DIP2C: variants seen among roughly 807,000 people sequenced by gnomAD.
DIP2C encodes DIP2 acetate--CoA ligase C (putative).
In DIP2C, 33 loss-of-function variants were observed where a neutral mutation model predicts 192.4. The observed-to-expected ratio is 0.17, with a 90% CI of 0.13 to 0.23. DIP2C has a LOEUF of 0.23. Among genes scored for constraint, DIP2C ranks in the 10% least tolerant of loss-of-function variants. DIP2C has a pLI of 1.00. For synonymous variants in DIP2C, 979 were observed against 864.1 expected, an observed-to-expected ratio of 1.13 and a Z score of -2.33; for missense variants, 1,537 against 2,110.1, an observed-to-expected ratio of 0.73 and a Z score of 5.32.
intron 1 of DIP2C, among the ~76,000 whole-genome samples, chr10:553,985 A>T (rs963307043): frequency 6.6e-6 from 1 of 152,032 alleles, no homozygotes; most frequent in African/African-American, 2.4e-5. Context: ...TAACTGTAAG[A>T]GTGGCGAACA....
chr10:414,061 C>T lies in DIP2C; in HGVS notation c.909G>A (p.Leu303=), dbSNP rs1368962460. The change falls in exon 8 of 37, where the codon CTG becomes CTA. Residue 303 remains leucine, a synonymous_variant. Coordinates refer to ENST00000280886, the MANE Select transcript of DIP2C (RefSeq NM_014974.3). ...CGCCCAGCTGCTCTCCGCGCATGGCCAGCATCTGGGCCCCCTCCGGCTTTG... is the reference window on the plus strand; with the variant it reads ...CGCCCAGCTGCTCTCCGCGCATGGCTAGCATCTGGGCCCCCTCCGGCTTTG... ...NQPKPEGAQM[L]AMRGEQLGVV... is the part of the protein sequence containing the mutation. 1.2e-6 allele frequency: 2 copies of T among 1,613,910 alleles called. No individual in the cohort carries two copies. Among genetic ancestry groups the T allele is most frequent in the East Asian group, 2.2e-5 (1 of 44,880 alleles).
chr10:464,620 C>A (rs565079178), intron 3 of DIP2C, among the ~76,000 whole-genome samples: 65 of 152,286 alleles, frequency 4.3e-4, no homozygotes, highest in South Asian at 2.7e-3. Context: ...CAAGCAATCC[C>A]ATTACTGGGT....
chr10:648,283 C>T (rs1237453597), intron 1 of DIP2C, among the ~76,000 whole-genome samples: 1 of 151,638 alleles, frequency 6.6e-6, no homozygotes, highest in East Asian at 2.0e-4. Context: ...ACTGAGTCCA[C>T]ATCCACATTG....
intron 1 of DIP2C, chr10:667,614 T>C (rs944570976): frequency 6.6e-6 from 1 of 151,930 alleles, no homozygotes; most frequent in Non-Finnish European, 1.5e-5. Flanking sequence ...CAACACAATA[T>C]GCATTTATAA....
intron 24 of DIP2C, among the ~76,000 whole-genome samples, chr10:349,950 A>G (rs1958711054): frequency 6.6e-6 from 1 of 152,256 alleles, no homozygotes; most frequent in South Asian, 2.1e-4. Context: ...AGGAATGAAA[A>G]GAACTATCAA....
At chr10:298,991 A>G (rs1955889087) in intron 32 of DIP2C, among the ~76,000 whole-genome samples, 1 of 152,256 alleles carries the variant, frequency 6.6e-6, no homozygotes, top group African/African-American at 2.4e-5. Flanking sequence ...GTTTATGAGC[A>G]TGTGTAAAAA....
chr10:475,593 C>A (rs1213718563), intron 2 of DIP2C, among the ~76,000 whole-genome samples: 1 of 152,124 alleles, frequency 6.6e-6, no homozygotes, highest in Non-Finnish European at 1.5e-5. Flanking sequence ...CTTTTGCATA[C>A]CATCCTCGTG....
At chr10:549,869 T>A (rs931255734) in intron 1 of DIP2C, among the ~76,000 whole-genome samples, 7 of 152,124 alleles carry the variant, frequency 4.6e-5, no homozygotes, top group African/African-American at 1.7e-4. Context: ...CCATCCCTTC[T>A]GGTAGAAGGG....
chr10:578,851 G>A (rs959688326), intron 1 of DIP2C, among the ~76,000 whole-genome samples: 21 of 152,068 alleles, frequency 1.4e-4, no homozygotes, highest in Admixed American at 9.8e-4. Flanking sequence ...TATAGTGTAC[G>A]TACATAGGTA....
intron 3 of DIP2C, among the ~76,000 whole-genome samples, chr10:449,781 T>TA (rs370147180): frequency 0.031 from 4,036 of 128,648 alleles, 252 homozygotes; most frequent in African/African-American, 0.11. Context: ...TAAAGTATAA[T>TA]TAAAAAAAAA....
chr10:429,910 A>G (rs1403551897), intron 4 of DIP2C, among the ~76,000 whole-genome samples: 2 of 152,112 alleles, frequency 1.3e-5, no homozygotes, highest in Non-Finnish European at 2.9e-5. Flanking sequence ...AAGGAGTGTA[A>G]TTCCTAGATC....
At chr10:628,016 A>T (rs889211179) in intron 1 of DIP2C, among the ~76,000 whole-genome samples, 4 of 152,234 alleles carry the variant, frequency 2.6e-5, no homozygotes, top group Non-Finnish European at 5.9e-5. Context: ...TTTAAATATC[A>T]ACACTCTGGG....
intron 18 of DIP2C, among the ~76,000 whole-genome samples, chr10:369,022 C>A (rs1447924723): frequency 2.0e-5 from 3 of 152,220 alleles, no homozygotes; most frequent in Non-Finnish European, 4.4e-5. Context: ...GTGGAAAAGG[C>A]TTCTGAGACT....
chr10:366,312 T>A lies in DIP2C; in HGVS notation c.2231A>T (p.Tyr744Phe), dbSNP rs753130708. 6.2e-7 allele frequency: 1 copy of A among 1,613,940 alleles called. No homozygotes were observed. Among genetic ancestry groups the A allele is most frequent in the Non-Finnish European group, 8.5e-7 (1 of 1,179,950 alleles). The change falls in exon 19 of 37, where the codon TAC (tyrosine) becomes TTC (phenylalanine). Residue 744 changes from tyrosine (Y) to phenylalanine (F), a missense_variant. Transcript: ENST00000280886. ...CTTGGTCATGCCAGAGAGGCCATAG[T>A]AGGACGTGCCCGTCGCAACTGCACA... ...CVCAVATGTS[Y>F]YGLSGMTKNT...
intron 4 of DIP2C, among the ~76,000 whole-genome samples, chr10:438,927 T>C (rs1346505080): frequency 1.3e-5 from 2 of 152,100 alleles, no homozygotes; most frequent in Non-Finnish European, 2.9e-5. Context: ...GCTCAAGTGA[T>C]TTTTCCACCT....
intron 1 of DIP2C, among the ~76,000 whole-genome samples, chr10:671,645 A>C (rs1475602414): frequency 1.0e-5 from 1 of 99,350 alleles, no homozygotes; most frequent in African/African-American, 4.5e-5. Flanking sequence ...AGGAAACGTC[A>C]CAGACGCACG....
At chr10:637,517 A>G (rs1460373983) in intron 1 of DIP2C, among the ~76,000 whole-genome samples, 1 of 152,202 alleles carries the variant, frequency 6.6e-6, no homozygotes, top group Non-Finnish European at 1.5e-5. Context: ...GTCCGCACAC[A>G]GTGGAAGGAG....
chr10:463,065 G>T (rs1287975875), intron 3 of DIP2C, among the ~76,000 whole-genome samples: 1 of 152,124 alleles, frequency 6.6e-6, no homozygotes, highest in African/African-American at 2.4e-5. Context: ...ATATCATACT[G>T]AATGGGCAAA....
At chr10:411,212 G>GATGAGC (rs1965161877) in intron 8 of DIP2C, among the ~76,000 whole-genome samples, 1 of 152,244 alleles carries the variant, frequency 6.6e-6, no homozygotes, top group East Asian at 1.9e-4. Flanking sequence ...TTAAAAGGGA[G>GATGAGC]ATGAGCATGA....
Sources: allele counts gnomAD v4.1 joint callset (sites outside exome capture counted in the v4.1 genomes callset), GRCh38; gene constraint gnomAD v4.1.1; transcripts MANE v1.5; gene names NCBI Gene and HGNC (gene_info 2026-07-23, HGNC 2026-07-21).